Variants in XIRP2 observed in about 807,000 individuals in gnomAD.
XIRP2 encodes the protein xin actin-binding repeat-containing protein 2.
Under a neutral mutation model 277.0 loss-of-function variants are expected in XIRP2, and 236 were observed. That is an observed-to-expected ratio of 0.85 (90% confidence interval 0.77 to 0.95). XIRP2 has a LOEUF of 0.95. XIRP2 is among the 40% of genes least tolerant of loss of function. The probability of loss-of-function intolerance (pLI) is 0.00; values close to 1 mark genes in which losing one functional copy is unlikely to be tolerated. For synonymous variants in XIRP2, 1,490 were observed against 1,416.5 expected, an observed-to-expected ratio of 1.05 and a Z score of -1.17; for missense variants, 4,640 against 4,157.5, an observed-to-expected ratio of 1.12 and a Z score of -3.19.
At chr2:166,954,315 A>G (rs1237160449) in intron 2 of XIRP2, among the ~76,000 whole-genome samples, 1 of 152,046 alleles carries the variant, frequency 6.6e-6, no homozygotes, top group African/African-American at 2.4e-5. Flanking sequence ...TAGAAATATT[A>G]AGAATTAAAT....
chr2:167,028,100 T>A (rs1688225732), intron 2 of XIRP2, among the ~76,000 whole-genome samples: 2 of 152,078 alleles, frequency 1.3e-5, no homozygotes, highest in African/African-American at 2.4e-5. Flanking sequence ...TCAAAAACTA[T>A]TCCAAGTAAT....
At chr2:167,025,166 T>C (rs1286315750) in intron 2 of XIRP2, among the ~76,000 whole-genome samples, 1 of 152,206 alleles carries the variant, frequency 6.6e-6, no homozygotes, top group East Asian at 1.9e-4. Context: ...TTCAACTTCT[T>C]CCTGGTTTAG....
intron 2 of XIRP2, among the ~76,000 whole-genome samples, chr2:167,058,274 A>G (rs775214751): frequency 2.0e-5 from 3 of 151,490 alleles, no homozygotes; most frequent in Non-Finnish European, 4.4e-5. Flanking sequence ...GGTTTTTTAG[A>G]CGGGGTTTCG....
At chr2:167,143,295 A>G (rs1475449678) in intron 3 of XIRP2, among the ~76,000 whole-genome samples, 1 of 152,180 alleles carries the variant, frequency 6.6e-6, no homozygotes, top group Non-Finnish European at 1.5e-5. Context: ...ACAGTGCTAC[A>G]GTAAAAGATA....
intron 2 of XIRP2, among the ~76,000 whole-genome samples, chr2:167,059,388 C>T (rs377205777): frequency 1.3e-5 from 2 of 149,598 alleles, no homozygotes; most frequent in Non-Finnish European, 3.0e-5. Flanking sequence ...GCTGGGATTA[C>T]GGGGTGAACC....
Position 166,903,756 on chromosome 2 carries a change from C to A in XIRP2, c.274C>A (p.Arg92=). The A allele has an allele frequency of 2.5e-6, 4 of 1,613,562 alleles. No individual in the cohort carries two copies. The highest frequency in any genetic ancestry group is 3.4e-6 in the Non-Finnish European group (4 of 1,179,776). The change falls in exon 2 of 11, where the codon CGG becomes AGG. Residue 92 remains arginine (R), a synonymous_variant. Transcript: ENST00000409195. ...DKSNNTREYG[R]PEVLKEDSLS... ...GAGTAACAACACCAGGGAATATGGT[C>A]GGCCAGAAGTGCTGAAGGAGGATTC...
At position 166,914,647 on chromosome 2, in the gene XIRP2, G is replaced by A. The variant is rs934204623; in HGVS notation, c.408+10757G>A. 5.3e-5 allele frequency among the ~76,000 whole-genome samples: 8 copies of A among 152,140 alleles called. No homozygotes were observed. In the East Asian group the frequency reaches 5.8e-4, roughly 11 times the overall value. On this transcript the variant is annotated intron_variant, in intron 2 of 10. Coordinates refer to ENST00000409195, the MANE Select transcript of XIRP2 (RefSeq NM_152381.6). ...GTGAGCCAACACACCTGGACTAAACGTGTGCTGTTTTAAGCCACAGTGTTT... is the reference window on the plus strand; with the variant it reads ...GTGAGCCAACACACCTGGACTAAACATGTGCTGTTTTAAGCCACAGTGTTT...
chr2:166,970,762 AT>A (rs1686557272), intron 2 of XIRP2, among the ~76,000 whole-genome samples: 1 of 151,992 alleles, frequency 6.6e-6, no homozygotes, highest in South Asian at 2.1e-4. Context: ...AGTGATTCAC[AT>A]AAAAATATCA....
intron 2 of XIRP2, among the ~76,000 whole-genome samples, chr2:167,084,532 G>T (rs1018793237): frequency 6.1e-4 from 93 of 151,510 alleles, no homozygotes; most frequent in Middle Eastern, 3.4e-3. Context: ...GTTCCTCCTT[G>T]TACCTCTGGT....
At chr2:167,072,079 G>T (rs1343567752) in intron 2 of XIRP2, among the ~76,000 whole-genome samples, 1 of 152,034 alleles carries the variant, frequency 6.6e-6, no homozygotes, top group African/African-American at 2.4e-5. Context: ...CAGCACAATG[G>T]AATAAATATT....
At chr2:166,910,987 A>G (rs1177156199) in intron 2 of XIRP2, among the ~76,000 whole-genome samples, 1 of 152,174 alleles carries the variant, frequency 6.6e-6, no homozygotes, top group Non-Finnish European at 1.5e-5. Context: ...ACAGGTGGTT[A>G]TAATTTCTGT....
intron 2 of XIRP2, among the ~76,000 whole-genome samples, chr2:166,912,121 A>G (rs532173531): frequency 1.3e-5 from 2 of 152,054 alleles, no homozygotes; most frequent in Admixed American, 6.6e-5. Context: ...TCTTTGTGGC[A>G]TTCTCTGTAT....
chr2:167,254,269 C>T lies in XIRP2; in HGVS notation c.*39+104C>T, dbSNP rs1695600831. ...CACATTTTTCCAGATCTTGTTGCTG[C>T]GTCAGTTAACACAACCACACAGGGA... On this transcript the variant is annotated intron_variant, in intron 10 of 10. Transcript: ENST00000409195. The T allele has an allele frequency of 4.7e-6, 6 of 1,271,520 alleles. No homozygotes were observed. In the South Asian group the frequency reaches 9.5e-5, roughly 20 times the overall value. The allele number at this position is 1,271,520 out of a possible 1,614,324, so 78.8% of individuals were successfully genotyped here.
rs1353192852 is a variant in XIRP2 at position 167,245,683 on chromosome 2, GATAAGA to G, written c.4296_4301del (p.Lys1432_Asn1433del). On this transcript the variant is annotated inframe_deletion, in exon 9 of 11. Coordinates refer to ENST00000409195, the MANE Select transcript of XIRP2 (RefSeq NM_152381.6). ...ACAATTCTTTGAGTCTGAAAATTTT[GATAAGA>G]ATAACTATATACGAACAGTAAGTGT... 6.2e-7 allele frequency: 1 copy of G among 1,613,500 alleles called. No individual in the cohort carries two copies. The highest frequency in any genetic ancestry group is 8.5e-7 in the Non-Finnish European group (1 of 1,179,692).
chr2:167,129,349 A>C (rs1408462470), intron 2 of XIRP2, among the ~76,000 whole-genome samples: 4 of 150,880 alleles, frequency 2.7e-5, no homozygotes, highest in African/African-American at 9.8e-5. Context: ...TTTCCTGGGG[A>C]CCTCTTCACT....
At chr2:166,933,915 G>T (rs987097921) in intron 2 of XIRP2, among the ~76,000 whole-genome samples, 1 of 151,974 alleles carries the variant, frequency 6.6e-6, no homozygotes, top group South Asian at 2.1e-4. Context: ...TTCCAGTGTT[G>T]TTTTGAAGAT....
chr2:167,011,600 G>A (rs1687681365), intron 2 of XIRP2, among the ~76,000 whole-genome samples: 1 of 152,000 alleles, frequency 6.6e-6, no homozygotes, highest in Admixed American at 6.6e-5. Flanking sequence ...ATGAGTTAGG[G>A]AGGATTCCCT....
intron 2 of XIRP2, 68 bp from the exon 3 acceptor site, chr2:167,135,841 C>T: frequency 7.3e-7 from 1 of 1,376,564 alleles, no homozygotes; most frequent in Non-Finnish European, 9.6e-7. Context: ...CCTTCTAACC[C>T]CCCTAAAAAA....
chr2:167,222,257 G>C (rs773621670), intron 5 of XIRP2, among the ~76,000 whole-genome samples: 1 of 152,130 alleles, frequency 6.6e-6, no homozygotes, highest in Non-Finnish European at 1.5e-5. Context: ...TGCTTTTATA[G>C]TTCTGCCTGT....
Sources: gnomAD v4.1 joint callset for allele counts (sites outside exome capture counted in the v4.1 genomes callset) on GRCh38, gnomAD v4.1.1 for gene constraint, MANE v1.5 for transcripts, NCBI Gene and HGNC (gene_info 2026-07-23, HGNC 2026-07-21) for gene names.